The following PPM1L variants were observed in gnomAD, a reference collection of about 807,000 sequenced individuals.
PPM1L encodes the protein protein phosphatase 1L.
Under a neutral mutation model 31.4 loss-of-function variants are expected in PPM1L, and 13 were observed. The ratio of observed to expected loss-of-function variants is 0.41; its 90% CI spans 0.27 to 0.66. The LOEUF is 0.66. Ranked by LOEUF, PPM1L falls within the 30% of genes least tolerant of loss-of-function variation. PPM1L has a pLI of 0.29. For missense variants in PPM1L, 326 were observed against 453.7 expected, an observed-to-expected ratio of 0.72 and a Z score of 2.56; for synonymous variants, 184 against 175.4, an observed-to-expected ratio of 1.05 and a Z score of -0.39.
intron 2 of PPM1L, among the ~76,000 whole-genome samples, chr3:161,000,876 T>G (rs1387124559): frequency 2.0e-5 from 3 of 152,214 alleles, no homozygotes; most frequent in African/African-American, 7.2e-5. Flanking sequence ...TATATCTGAT[T>G]AAAACCTCTT....
At chr3:160,861,400 C>T (rs1226487935) in intron 1 of PPM1L, among the ~76,000 whole-genome samples, 4 of 152,182 alleles carry the variant, frequency 2.6e-5, no homozygotes, top group Non-Finnish European at 5.9e-5. Context: ...GCTAGATTAT[C>T]AAGTGCTTGG....
At chr3:160,840,720 G>T (rs1458369847) in intron 1 of PPM1L, among the ~76,000 whole-genome samples, 10 of 132,814 alleles carry the variant, frequency 7.5e-5, no homozygotes, top group Non-Finnish European at 1.4e-4. Flanking sequence ...ATCTCCAGGG[G>T]AGAGAGAGAG....
At position 160,876,118 on chromosome 3, in the gene PPM1L, CT is replaced by C. The variant is rs570952657; in HGVS notation, c.400-85613del. On this transcript the variant is annotated intron_variant, in intron 1 of 3. Transcript: ENST00000498165. ...TTCTTTCATCAATTCCTTAAATCTG[CT>C]TTTTGTAGGAAGTGTACAGGTTGTA... is the stretch of plus-strand genomic sequence containing the variant. Among the ~76,000 whole-genome samples the C allele has an allele frequency of 8.4e-4, 128 of 152,248 alleles. 1 individual carries two copies. In the South Asian group the frequency reaches 0.016, roughly 19 times the overall value.
At chr3:160,898,528 A>G (rs1163802132) in intron 1 of PPM1L, among the ~76,000 whole-genome samples, 1 of 152,194 alleles carries the variant, frequency 6.6e-6, no homozygotes, top group African/African-American at 2.4e-5. Context: ...ATAACCTCAC[A>G]TAAGATTGCT....
chr3:160,899,236 A>T (rs1293873507), intron 1 of PPM1L, among the ~76,000 whole-genome samples: 1 of 152,146 alleles, frequency 6.6e-6, no homozygotes, highest in Non-Finnish European at 1.5e-5. Context: ...TGCTCTTACG[A>T]TTAGAGAACA....
intron 2 of PPM1L, among the ~76,000 whole-genome samples, chr3:161,024,058 C>G (rs370287811): frequency 6.6e-6 from 1 of 152,114 alleles, no homozygotes; most frequent in Non-Finnish European, 1.5e-5. Flanking sequence ...GGGCAGATCA[C>G]TTGAGGTCAG....
chr3:161,020,820 CTAAT>C (rs1380220183), intron 2 of PPM1L, among the ~76,000 whole-genome samples: 7 of 152,036 alleles, frequency 4.6e-5, no homozygotes, highest in Non-Finnish European at 1.0e-4. Flanking sequence ...TCTACATTAT[CTAAT>C]TAATCTAATT....
At chr3:160,862,704 A>AC (rs1560130385) in intron 1 of PPM1L, among the ~76,000 whole-genome samples, 7,944 of 117,586 alleles carry the variant, frequency 0.068, 466 homozygotes, top group African/African-American at 0.22. Flanking sequence ...ACACACACAC[A>AC]AAATTCTGAA....
chr3:160,983,788 A>G (rs564255583), intron 2 of PPM1L, among the ~76,000 whole-genome samples: 39 of 152,268 alleles, frequency 2.6e-4, no homozygotes, highest in African/African-American at 8.9e-4. Context: ...AAGAGTACAA[A>G]GAGAGAAATT....
intron 2 of PPM1L, among the ~76,000 whole-genome samples, chr3:161,044,006 GA>G (rs748094621): frequency 3.3e-5 from 5 of 152,140 alleles, no homozygotes; most frequent in Non-Finnish European, 5.9e-5. Context: ...TGCTGTACCA[GA>G]AAGATTTATT....
At chr3:161,022,599 G>A (rs1468545020) in intron 2 of PPM1L, 1 of 152,450 alleles carries the variant, frequency 6.6e-6, no homozygotes, top group Non-Finnish European at 1.4e-5. Flanking sequence ...TTTTGTTCAG[G>A]GCTTCAAGTG....
At chr3:160,961,438 G>A (rs533693285) in intron 1 of PPM1L, among the ~76,000 whole-genome samples, 2 of 152,266 alleles carry the variant, frequency 1.3e-5, no homozygotes, top group South Asian at 4.1e-4. Context: ...ACTGTCAGGG[G>A]CCTTCAGTTC....
chr3:160,906,506 G>T (rs1713760928), intron 1 of PPM1L, among the ~76,000 whole-genome samples: 1 of 152,186 alleles, frequency 6.6e-6, no homozygotes, highest in East Asian at 1.9e-4. Context: ...GGAGGCTGAG[G>T]CAGGAGAATT....
At chr3:160,943,873 T>A (rs1440907465) in intron 1 of PPM1L, among the ~76,000 whole-genome samples, 1 of 152,174 alleles carries the variant, frequency 6.6e-6, no homozygotes, top group Non-Finnish European at 1.5e-5. Context: ...TCTAGGGCAC[T>A]TGTATCAACA....
At chr3:160,837,722 A>G (rs1412063672) in intron 1 of PPM1L, among the ~76,000 whole-genome samples, 2 of 152,168 alleles carry the variant, frequency 1.3e-5, no homozygotes, top group African/African-American at 4.8e-5. Context: ...GGACCCTTGG[A>G]GGTCAGAACA....
intron 1 of PPM1L, chr3:160,842,408 C>A: frequency 1.5e-6 from 1 of 671,992 alleles, no homozygotes; most frequent in Non-Finnish European, 2.7e-6. Context: ...GAATGCCAGG[C>A]AAGGGAATTT....
intron 1 of PPM1L, among the ~76,000 whole-genome samples, chr3:160,924,868 T>C (rs1714533838): frequency 1.3e-5 from 2 of 152,244 alleles, no homozygotes; most frequent in African/African-American, 2.4e-5. Context: ...TTATATCTAA[T>C]GATAGGAAAC....
intron 2 of PPM1L, among the ~76,000 whole-genome samples, chr3:160,985,808 G>T (rs1716944430): frequency 6.6e-6 from 1 of 151,096 alleles, no homozygotes; most frequent in Non-Finnish European, 1.5e-5. Flanking sequence ...TCATAATTTT[G>T]GCCTTTCATT....
chr3:161,044,078 C>T (rs1344443226), intron 2 of PPM1L, among the ~76,000 whole-genome samples: 2 of 152,160 alleles, frequency 1.3e-5, no homozygotes, highest in African/African-American at 4.8e-5. Flanking sequence ...CTTGCTCTGT[C>T]ACCCAGGGTA....
Sources: allele counts gnomAD v4.1 joint callset (sites outside exome capture counted in the v4.1 genomes callset), GRCh38; gene constraint gnomAD v4.1.1; transcripts MANE v1.5; gene names NCBI Gene and HGNC (gene_info 2026-07-23, HGNC 2026-07-21).